The following LRFN5 variants were observed in gnomAD, a reference collection of about 807,000 sequenced individuals.
LRFN5 encodes the protein leucine-rich repeat and fibronectin type-III domain-containing protein 5.
Under a neutral mutation model 45.6 loss-of-function variants are expected in LRFN5, and 24 were observed. That is an observed-to-expected ratio of 0.53 (90% CI 0.38 to 0.74). The LOEUF (loss-of-function observed/expected upper bound fraction) is 0.74, where lower values mean the gene tolerates loss of function less well. LRFN5 is among the 30% of genes least tolerant of loss of function. The pLI is 0.00. For synonymous variants in LRFN5, 340 were observed against 313.8 expected, an observed-to-expected ratio of 1.08 and a Z score of -0.88; for missense variants, 776 against 861.5, an observed-to-expected ratio of 0.90 and a Z score of 1.24.
At chr14:41,655,140 A>G (rs1594585859) in intron 1 of LRFN5, among the ~76,000 whole-genome samples, 1 of 152,038 alleles carries the variant, frequency 6.6e-6, no homozygotes, top group African/African-American at 2.4e-5. Context: ...CGTACAAGAC[A>G]AACTGTCTAT....
Position 41,891,894 on chromosome 14 carries a change from A to G in LRFN5, c.2030A>G (p.Gln677Arg). The G allele has an allele frequency of 6.2e-7, 1 of 1,614,202 alleles. No individual in the cohort carries two copies. Among genetic ancestry groups the G allele is most frequent in the Non-Finnish European group, 8.5e-7 (1 of 1,180,038 alleles). Residue 677 changes from glutamine (Q) to arginine (R), a missense_variant, in exon 4 of 6, where the codon CAG (glutamine) becomes CGG (arginine). This residue lies in a region of LRFN5 where 465 missense variants were observed against 456.4 expected (regional missense o/e 1.02). Transcript: ENST00000298119. ...NTNRNNSTAL[Q>R]LASRPPDSVT... ...AACAGGAACAACTCAACTGCCTTGC[A>G]GTTAGCTAGCCGTCCTCCCGATTCT...
At chr14:41,808,549 TGAAG>T (rs1167821700) in intron 2 of LRFN5, among the ~76,000 whole-genome samples, 1,648 of 53,636 alleles carry the variant, frequency 0.031, 56 homozygotes, top group South Asian at 0.065. Flanking sequence ...AAGGGAGGGA[TGAAG>T]GAAGGAAGGA....
At chr14:41,836,300 A>G (rs1888660632) in intron 2 of LRFN5, among the ~76,000 whole-genome samples, 1 of 152,162 alleles carries the variant, frequency 6.6e-6, no homozygotes, top group South Asian at 2.1e-4. Context: ...TAAAAAGGAG[A>G]CACTTTTTAC....
intron 1 of LRFN5, among the ~76,000 whole-genome samples, chr14:41,752,289 A>G (rs1396824398): frequency 6.6e-6 from 1 of 152,154 alleles, no homozygotes; most frequent in Admixed American, 6.5e-5. Flanking sequence ...CAGTAATAGG[A>G]TGGCTGGGTC....
At chr14:41,813,192 C>G (rs1227970471) in intron 2 of LRFN5, among the ~76,000 whole-genome samples, 1 of 151,898 alleles carries the variant, frequency 6.6e-6, no homozygotes, top group Non-Finnish European at 1.5e-5. Flanking sequence ...CAATTTCATC[C>G]CTTTGATTTT....
intron 4 of LRFN5, chr14:41,893,162 T>A (rs553374303): frequency 2.0e-6 from 2 of 983,470 alleles, no homozygotes; most frequent in Admixed American, 6.1e-5. Context: ...CTGTGATAAA[T>A]CTAACTAGAA....
chr14:41,772,723 G>T (rs1886134559), intron 2 of LRFN5, among the ~76,000 whole-genome samples: 1 of 151,966 alleles, frequency 6.6e-6, no homozygotes. Context: ...TGATTATCTT[G>T]CCACATACAT....
intron 1 of LRFN5, among the ~76,000 whole-genome samples, chr14:41,757,217 A>C (rs182255232): frequency 5.3e-5 from 8 of 152,234 alleles, no homozygotes; most frequent in African/African-American, 1.9e-4. Context: ...GACCCACTTG[A>C]GGAGGCAGTC....
chr14:41,837,318 G>C (rs1315116995), intron 2 of LRFN5, among the ~76,000 whole-genome samples: 1 of 149,630 alleles, frequency 6.7e-6, no homozygotes, highest in East Asian at 2.1e-4. Context: ...ATCGGCATTT[G>C]TTTTCCCTGC....
At position 41,694,308 on chromosome 14, in the gene LRFN5, T is replaced by A. The variant is rs570068583; in HGVS notation, c.-196-72546T>A. Among the ~76,000 whole-genome samples the A allele has an allele frequency of 2.0e-5, 3 of 152,118 alleles. No individual in the cohort carries two copies. The South Asian group carries it at 6.2e-4, about 31-fold the overall frequency. On this transcript the variant is annotated intron_variant, in intron 1 of 5. Coordinates refer to ENST00000298119, the MANE Select transcript of LRFN5 (RefSeq NM_152447.5). ...TTCCTTCTATCTAGCTGAAACTTCGTATCTTTTGACCAATAACTCCTCAGT... is the reference window on the plus strand; with the variant it reads ...TTCCTTCTATCTAGCTGAAACTTCGAATCTTTTGACCAATAACTCCTCAGT...
intron 1 of LRFN5, among the ~76,000 whole-genome samples, chr14:41,739,449 A>T (rs888484519): frequency 5.3e-5 from 8 of 152,064 alleles, no homozygotes; most frequent in African/African-American, 1.9e-4. Context: ...AATATGTGGA[A>T]ATTAAATATC....
At chr14:41,638,617 C>T (rs995053443) in intron 1 of LRFN5, among the ~76,000 whole-genome samples, 4 of 152,022 alleles carry the variant, frequency 2.6e-5, no homozygotes, top group Admixed American at 2.6e-4. Flanking sequence ...TATATTGATT[C>T]TGCTTACTGA....
chr14:41,671,060 T>G (rs1165764843), intron 1 of LRFN5, among the ~76,000 whole-genome samples: 5 of 151,826 alleles, frequency 3.3e-5, no homozygotes, highest in Non-Finnish European at 7.4e-5. Flanking sequence ...TAATATTTAA[T>G]TTTCTTCTAA....
rs1363743403 is a variant in LRFN5, at chr14:41,858,365, C to A, written c.-20-28241C>A. On this transcript the variant is annotated intron_variant, in intron 2 of 5. Transcript: ENST00000298119. ...ATAAAAAGGCCTTTAGACACGCATT[C>A]TCTCAAATGCCTATTTCCAGTAAAA... 2.0e-5 allele frequency among the ~76,000 whole-genome samples: 3 copies of A among 152,236 alleles called. No homozygotes were observed. The East Asian group carries it at 5.8e-4, about 30-fold the overall frequency.
At chr14:41,626,879 C>T (rs1266713301) in intron 1 of LRFN5, among the ~76,000 whole-genome samples, 2 of 151,924 alleles carry the variant, frequency 1.3e-5, no homozygotes, top group African/African-American at 4.8e-5. Flanking sequence ...CACTGAATTC[C>T]ACATTAACAG....
chr14:41,872,017 G>T (rs1890036733), intron 2 of LRFN5, among the ~76,000 whole-genome samples: 1 of 151,994 alleles, frequency 6.6e-6, no homozygotes, highest in Non-Finnish European at 1.5e-5. Context: ...TTCTTTAGCT[G>T]GTTTGAAATA....
At chr14:41,873,895 A>G (rs1362104861) in intron 2 of LRFN5, among the ~76,000 whole-genome samples, 1 of 152,206 alleles carries the variant, frequency 6.6e-6, no homozygotes, top group African/African-American at 2.4e-5. Flanking sequence ...TAAATACCCT[A>G]GGGAAACTGA....
chr14:41,649,720 T>C (rs1400167453), intron 1 of LRFN5, among the ~76,000 whole-genome samples: 1 of 152,172 alleles, frequency 6.6e-6, no homozygotes, highest in Non-Finnish European at 1.5e-5. Flanking sequence ...AGAATCCTGT[T>C]AGGTGGGTTT....
chr14:41,648,772 G>GT (rs557956523), intron 1 of LRFN5, among the ~76,000 whole-genome samples: 20 of 148,960 alleles, frequency 1.3e-4, no homozygotes, highest in South Asian at 6.4e-4. Flanking sequence ...ATCCACTTTT[G>GT]TTTTTTTTTG....
Sources: allele counts gnomAD v4.1 joint callset (sites outside exome capture counted in the v4.1 genomes callset), GRCh38; gene constraint gnomAD v4.1.1; regional missense constraint gnomAD v4.1.1; transcripts MANE v1.5; gene names NCBI Gene and HGNC (gene_info 2026-07-23, HGNC 2026-07-21).